The following PCDHA12 variants were observed in gnomAD, a reference collection of about 807,000 sequenced individuals.
PCDHA12 encodes protocadherin alpha 12, also known as protocadherin alpha-12.
PCDHA12 carries 44 observed loss-of-function variants against 60.0 expected under a neutral mutation model. The observed-to-expected ratio is 0.73, with a 90% CI of 0.58 to 0.94. PCDHA12 has a LOEUF of 0.94. PCDHA12 is among the 40% of genes least tolerant of loss of function. The pLI is 0.00. For missense variants in PCDHA12, 1,276 were observed against 1,239.7 expected (o/e 1.03, Z -0.44); for synonymous variants, 569 against 553.0 (o/e 1.03, Z -0.40).
At chr5:140,998,008 T>C (rs1447849810) in intron 3 of PCDHA12, among the ~76,000 whole-genome samples, 6 of 152,128 alleles carry the variant, frequency 3.9e-5, no homozygotes, top group East Asian at 1.9e-4. Flanking sequence ...GAGCCTTCCA[T>C]CCCCACCTCG....
chr5:140,876,761 G>C lies in PCDHA12; in HGVS notation c.1289G>C (p.Gly430Ala), dbSNP rs1554168887. ...GAGCTGGTGGTGACTGCGCGGGATGGGGGCTCGCCTTCGCTGTGGGCCACG... is the reference window on the plus strand; with the variant it reads ...GAGCTGGTGGTGACTGCGCGGGATGCGGGCTCGCCTTCGCTGTGGGCCACG... ...AYELVVTARD[G>A]GSPSLWATAR... is the part of the protein sequence containing the mutation. The change falls in exon 1 of 4, where the codon GGG becomes GCG. Residue 430 changes from glycine to alanine, a missense_variant. Gly to Ala is a moderately conservative substitution (Grantham distance 60). Coordinates refer to ENST00000398631, the MANE Select transcript of PCDHA12 (RefSeq NM_018903.4). The C allele has an allele frequency of 1.2e-6, 2 of 1,614,238 alleles. No homozygotes were observed. Among genetic ancestry groups the C allele is most frequent in the East Asian group, 2.2e-5 (1 of 44,884 alleles).
chr5:140,972,660 A>ATTTT (rs11350929), intron 1 of PCDHA12, among the ~76,000 whole-genome samples: 3 of 117,268 alleles, frequency 2.6e-5, no homozygotes, highest in Admixed American at 9.2e-5. Context: ...AAGAAACCAA[A>ATTTT]TTTTTTTTTT....
chr5:140,884,440 G>C (rs1554181563), intron 1 of PCDHA12: 5 of 1,613,830 alleles, frequency 3.1e-6, no homozygotes, highest in Non-Finnish European at 2.5e-6. Context: ...TGCGGTGCTC[G>C]GCACCGCCCA....
Position 140,877,000 on chromosome 5 carries a change from G to A in PCDHA12, c.1528G>A (p.Val510Met), listed in dbSNP as rs191376557. ...GEHALSSYVS[V>M]HAESGKVYAL... is the part of the protein sequence containing the mutation. The stretch of plus-strand genomic sequence containing the variant: ...GCACGCACTGTCGAGCTACGTGTCG[G>A]TGCACGCGGAGAGCGGCAAGGTGTA... The change falls in exon 1 of 4, where the codon GTG (valine) becomes ATG (methionine). Residue 510 changes from valine (V) to methionine (M), a missense_variant. Val to Met is a conservative substitution (Grantham distance 21). Transcript: ENST00000398631. 1.7e-3 allele frequency: 2,818 copies of A among 1,612,598 alleles called. 5 individuals carry two copies. The highest frequency in any genetic ancestry group is 1.8e-3 in the Non-Finnish European group (2,166 of 1,179,806).
At chr5:140,886,615 C>A (rs1032902050) in intron 1 of PCDHA12, among the ~76,000 whole-genome samples, 2 of 152,028 alleles carry the variant, frequency 1.3e-5, no homozygotes, top group Admixed American at 1.3e-4. Flanking sequence ...ATCAGGAGAT[C>A]AGGAGTCCGA....
Position 140,982,581 on chromosome 5 carries a change from C to T in PCDHA12, c.2515+18C>T, listed in dbSNP as rs782060139. On this transcript the variant is annotated intron_variant, in intron 3 of 3. Transcript: ENST00000398631. ...AACACCAGGTAAAGAGCTGGGGTCT[C>T]TCCATTCTTTCTTGGTTTCTGGAAA... 9 of 1,612,098 alleles carry T rather than the reference C, an allele frequency of 5.6e-6. No individual in the cohort carries two copies. The highest frequency in any genetic ancestry group is 4.0e-5 in the African/African-American group (3 of 74,892).
At chr5:140,928,712 G>T in intron 1 of PCDHA12, 2 of 1,614,168 alleles carry the variant, frequency 1.2e-6, no homozygotes, top group Non-Finnish European at 1.7e-6. Flanking sequence ...TCTGACTCTA[G>T]TCTCTTTAGA....
chr5:140,975,056 A>C (rs1006106436), intron 1 of PCDHA12, among the ~76,000 whole-genome samples: 1 of 152,154 alleles, frequency 6.6e-6, no homozygotes, highest in Non-Finnish European at 1.5e-5. Flanking sequence ...AGAATCTACT[A>C]TCGAGCTCAT....
At chr5:140,983,138 G>C (rs1217034245) in intron 3 of PCDHA12, among the ~76,000 whole-genome samples, 1 of 152,170 alleles carries the variant, frequency 6.6e-6, no homozygotes, top group Non-Finnish European at 1.5e-5. Flanking sequence ...CTGACTTTTA[G>C]TGCCTTGGCA....
chr5:140,929,461 C>A, intron 1 of PCDHA12: 1 of 1,314,566 alleles, frequency 7.6e-7, no homozygotes, highest in Non-Finnish European at 1.0e-6. Context: ...CTTCCTGTGC[C>A]AAGAAATCTG....
intron 1 of PCDHA12, chr5:140,928,062 C>G: frequency 6.2e-7 from 1 of 1,614,194 alleles, no homozygotes; most frequent in Non-Finnish European, 8.5e-7. Context: ...TGACGGCTTC[C>G]TTTGACAACT....
chr5:140,900,015 A>C (rs2067686381), intron 1 of PCDHA12, among the ~76,000 whole-genome samples: 1 of 151,940 alleles, frequency 6.6e-6, no homozygotes, highest in African/African-American at 2.4e-5. Context: ...TCACTTTGTT[A>C]CCCAGTTTGG....
chr5:140,970,059 G>C (rs2096380498), intron 1 of PCDHA12, among the ~76,000 whole-genome samples: 1 of 152,150 alleles, frequency 6.6e-6, no homozygotes. Context: ...GTCCAGGGAG[G>C]TATTAGAATG....
Position 140,978,942 on chromosome 5 carries a change from T to C in PCDHA12, c.2368-7T>C, listed in dbSNP as rs781997267. 5 of 1,614,058 alleles carry C rather than the reference T, an allele frequency of 3.1e-6. No individual in the cohort carries two copies. The African/African-American group carries it at 6.7e-5, about 22-fold the overall frequency. ...TTTAACAGAAAACTCTCTTTGTGAT[T>C]TTGCAGCCACGACAGCCCAACCCTG... is the stretch of plus-strand genomic sequence containing the variant. On this transcript the variant is annotated splice_region_variant and splice_polypyrimidine_tract_variant and intron_variant, in intron 1 of 3. Coordinates refer to ENST00000398631, the MANE Select transcript of PCDHA12 (RefSeq NM_018903.4).
chr5:140,927,325 C>T, intron 1 of PCDHA12: 6 of 1,614,234 alleles, frequency 3.7e-6, no homozygotes, highest in South Asian at 1.1e-5. Context: ...CCGCTTTACT[C>T]TCCCGAATGC....
chr5:140,915,785 A>T (rs188846929), intron 1 of PCDHA12, among the ~76,000 whole-genome samples: 14 of 152,134 alleles, frequency 9.2e-5, no homozygotes, highest in Admixed American at 7.2e-4. Flanking sequence ...TGCTGTAACC[A>T]CTACCTGACT....
In PCDHA12 at chr5:140,877,646, C is replaced by T. The variant is rs782472866; in HGVS notation, c.2174C>T (p.Ala725Val). 7 of 1,613,560 alleles carry T rather than the reference C, an allele frequency of 4.3e-6. No individual in the cohort carries two copies. The Admixed American group carries it at 6.7e-5, about 15-fold the overall frequency. Residue 725 changes from alanine (A) to valine (V), a missense_variant, in exon 1 of 4, where the codon GCG becomes GTG. Coordinates refer to ENST00000398631, the MANE Select transcript of PCDHA12 (RefSeq NM_018903.4). ...LLLYTALRCS[A>V]PPTVSRCAPG... is the part of the protein sequence containing the mutation. ...CTGTACACTGCGCTGCGTTGCTCAG[C>T]GCCGCCCACCGTGAGCCGGTGCGCG...
chr5:140,994,667 T>G (rs2097644091), intron 3 of PCDHA12, among the ~76,000 whole-genome samples: 1 of 152,140 alleles, frequency 6.6e-6, no homozygotes, highest in Non-Finnish European at 1.5e-5. Flanking sequence ...ATCACACTAC[T>G]GCACTCCAGC....
intron 1 of PCDHA12, chr5:140,882,202 T>A: frequency 2.0e-6 from 3 of 1,529,778 alleles, no homozygotes; most frequent in Non-Finnish European, 2.6e-6. Context: ...AAATTGGGCC[T>A]TGAGAGACAG....
Sources: allele counts gnomAD v4.1 joint callset (sites outside exome capture counted in the v4.1 genomes callset), GRCh38; gene constraint gnomAD v4.1.1; transcripts MANE v1.5; gene names NCBI Gene and HGNC (gene_info 2026-07-23, HGNC 2026-07-21).